Variants in ATP9B observed in about 807,000 individuals in gnomAD.
The protein encoded by ATP9B is probable phospholipid-transporting ATPase IIB.
In ATP9B, 110 loss-of-function variants were observed where a neutral mutation model predicts 146.1. The observed-to-expected ratio is 0.75, with a 90% CI of 0.65 to 0.88. ATP9B has a LOEUF of 0.88. ATP9B is among the 40% of genes least tolerant of loss of function. ATP9B has a pLI of 0.00. For missense variants in ATP9B, 1,499 were observed against 1,496.4 expected (o/e 1.00, Z -0.03); for synonymous variants, 604 against 569.7 (o/e 1.06, Z -0.86).
chr18:79,291,529 A>G (rs2096503171), intron 13 of ATP9B, among the ~76,000 whole-genome samples: 1 of 152,232 alleles, frequency 6.6e-6, no homozygotes. Context: ...TTTAAAAAAT[A>G]TTTTTGGGCT....
chr18:79,330,489 T>C (rs528712947), intron 17 of ATP9B, among the ~76,000 whole-genome samples: 1 of 152,102 alleles, frequency 6.6e-6, no homozygotes, highest in East Asian at 1.9e-4. Context: ...CTTGGCTCTC[T>C]GCAACCTGCA....
intron 2 of ATP9B, among the ~76,000 whole-genome samples, chr18:79,101,443 G>T (rs993113431): frequency 2.0e-5 from 3 of 152,104 alleles, no homozygotes; most frequent in African/African-American, 4.8e-5. Context: ...TGTGTAGGTT[G>T]TGTCAAGTTT....
intron 1 of ATP9B, among the ~76,000 whole-genome samples, chr18:79,084,251 G>A (rs910197270): frequency 2.0e-4 from 31 of 151,738 alleles, no homozygotes; most frequent in South Asian, 1.0e-3. Flanking sequence ...TTTGTACCCC[G>A]TTGGGTACCC....
chr18:79,363,549 G>A (rs1162710524), intron 26 of ATP9B: 1 of 152,226 alleles, frequency 6.6e-6, no homozygotes, highest in African/African-American at 2.4e-5. Context: ...TTCCTGGATT[G>A]AGAGGCGTAA....
At chr18:79,245,193 T>A (rs1338044909) in intron 11 of ATP9B, among the ~76,000 whole-genome samples, 1 of 152,180 alleles carries the variant, frequency 6.6e-6, no homozygotes, top group East Asian at 1.9e-4. Context: ...GTTTAGATAG[T>A]AAGGGTTAGA....
intron 12 of ATP9B, among the ~76,000 whole-genome samples, chr18:79,273,558 C>T (rs2096277362): frequency 6.6e-6 from 1 of 152,178 alleles, no homozygotes. Flanking sequence ...GACAGAGGAA[C>T]GCATGTGAAT....
intron 7 of ATP9B, chr18:79,173,769 T>G (rs1333736097): frequency 2.2e-6 from 1 of 455,796 alleles, no homozygotes; most frequent in Admixed American, 2.4e-5. Flanking sequence ...ATTTCTCCCA[T>G]TTTTTCTTCC....
chr18:79,263,299 A>G (rs2096164401), intron 12 of ATP9B, among the ~76,000 whole-genome samples: 1 of 152,164 alleles, frequency 6.6e-6, no homozygotes, highest in South Asian at 2.1e-4. Flanking sequence ...CCCAAGTCCC[A>G]CAGTGGGCCC....
chr18:79,327,896 T>TTAGCGTGCTCTCCGTGGG (rs1568701459), intron 15 of ATP9B, among the ~76,000 whole-genome samples: 3 of 46,754 alleles, frequency 6.4e-5, no homozygotes, highest in African/African-American at 2.7e-4. Flanking sequence ...CTCTCCGTGG[T>TTAGCGTGCTCTCCGTGGG]TAGCGTGCTC....
chr18:79,079,331 C>G (rs959199344), intron 1 of ATP9B, among the ~76,000 whole-genome samples: 1 of 152,160 alleles, frequency 6.6e-6, no homozygotes, highest in African/African-American at 2.4e-5. Flanking sequence ...CTGTTGTTTC[C>G]TGACTTTTTA....
chr18:79,088,766 T>C (rs1280771494), intron 1 of ATP9B, among the ~76,000 whole-genome samples: 1 of 152,242 alleles, frequency 6.6e-6, no homozygotes. Flanking sequence ...CTTTTTGCCA[T>C]GTTTCCTTTG....
At chr18:79,376,517 G>C in intron 29 of ATP9B, 1 of 586,480 alleles carries the variant, frequency 1.7e-6, no homozygotes, top group Non-Finnish European at 2.1e-6. Context: ...AGCCTCCTGA[G>C]TAGCTGGGAT....
chr18:79,175,246 CA>C (rs554101831), intron 7 of ATP9B, among the ~76,000 whole-genome samples: 116 of 149,962 alleles, frequency 7.7e-4, no homozygotes, highest in Non-Finnish European at 1.5e-3. Flanking sequence ...TTTGAAACCT[CA>C]AAAGTCACCT....
At chr18:79,097,957 C>T (rs1445427301) in intron 2 of ATP9B, among the ~76,000 whole-genome samples, 1 of 152,028 alleles carries the variant, frequency 6.6e-6, no homozygotes, top group Non-Finnish European at 1.5e-5. Flanking sequence ...GCCACACTGA[C>T]TTCCACAATG....
chr18:79,327,428 CGTGCTCTCCATGGTTAGT>C (rs1342414453), intron 15 of ATP9B, among the ~76,000 whole-genome samples: 8 of 151,498 alleles, frequency 5.3e-5, no homozygotes, highest in African/African-American at 1.2e-4. Flanking sequence ...TTGCAGAGAG[CGTGCTCTCCATGGTTAGT>C]GTGCTCCCCA....
chr18:79,172,520 G>A (rs558574154), intron 7 of ATP9B, among the ~76,000 whole-genome samples: 9 of 112,926 alleles, frequency 8.0e-5, no homozygotes, highest in South Asian at 3.7e-4. Context: ...ACCGTGCCCC[G>A]CCCTTGCGAT....
At chr18:79,246,022 TGAGGAGGGCACCGCCCTACTGA>T (rs2095955218) in intron 11 of ATP9B, among the ~76,000 whole-genome samples, 8 of 124,410 alleles carry the variant, frequency 6.4e-5, no homozygotes, top group African/African-American at 2.2e-4. Context: ...CCCTACTGAC[TGAGGAGGGCACCGCCCTACTGA>T]CTGTGCGGAG....
Position 79,337,380 on chromosome 18 carries a change from C to G in ATP9B, c.2214C>G (p.Thr738=), listed in dbSNP as rs751187194. The G allele has an allele frequency of 1.2e-6, 2 of 1,613,910 alleles. No individual in the cohort carries two copies. Among genetic ancestry groups the G allele is most frequent in the Non-Finnish European group, 1.7e-6 (2 of 1,180,042 alleles). The change falls in exon 19 of 30, where the codon ACC becomes ACG. Residue 738 remains threonine (T), a synonymous_variant. Transcript: ENST00000426216. The part of the protein sequence containing the change: ...LEREMELLCL[T]GVEDQLQADV... ...GGGAGATGGAACTGCTGTGCCTCAC[C>G]GGCGTGGAGGACCAGCTGCAGGCAG...
intron 29 of ATP9B, chr18:79,376,300 C>T: frequency 2.4e-5 from 24 of 985,220 alleles, no homozygotes; most frequent in Non-Finnish European, 2.9e-5. Context: ...CTAAGCACCA[C>T]AACTAGTACT....
Sources: allele counts gnomAD v4.1 joint callset (sites outside exome capture counted in the v4.1 genomes callset), GRCh38; gene constraint gnomAD v4.1.1; transcripts MANE v1.5; gene names NCBI Gene and HGNC (gene_info 2026-07-23, HGNC 2026-07-21).